RP1: variants seen among roughly 807,000 people sequenced by gnomAD.
RP1 encodes the protein RP1 axonemal microtubule associated, also known as oxygen-regulated protein 1.
In RP1, 16 loss-of-function variants were observed where a neutral mutation model predicts 14.8. That is an observed-to-expected ratio of 1.08 (90% CI 0.73 to 1.65). The LOEUF (loss-of-function observed/expected upper bound fraction) is 1.65, where lower values mean the gene tolerates loss of function less well. Among genes scored for constraint, RP1 ranks in the 40% most tolerant of loss-of-function variants. The probability of loss-of-function intolerance (pLI) is 0.00; values close to 1 mark genes in which losing one functional copy is unlikely to be tolerated. For synonymous variants in RP1, 876 were observed against 883.6 expected (o/e 0.99, Z 0.15); for missense variants, 2,631 against 2,535.0 (o/e 1.04, Z -0.81).
At chr8:54,744,597 AT>A (rs960647044) in intron 19 of RP1, among the ~76,000 whole-genome samples, 1 of 152,188 alleles carries the variant, frequency 6.6e-6, no homozygotes, top group African/African-American at 2.4e-5. Flanking sequence ...CAAATATTTT[AT>A]TACCATCTCT....
At chr8:54,635,422 T>G (rs2129320533), downstream of RP1, among the ~76,000 whole-genome samples, 1 of 152,284 alleles carries the variant, frequency 6.6e-6, no homozygotes, top group South Asian at 2.1e-4. Flanking sequence ...TAAGATAGGA[T>G]GGTAGGTTCA....
intron 3 of RP1, among the ~76,000 whole-genome samples, chr8:54,644,337 C>T (rs1806504607): frequency 6.6e-6 from 1 of 152,210 alleles, no homozygotes; most frequent in Non-Finnish European, 1.5e-5. Flanking sequence ...CCTACCCACT[C>T]AGCCCCCAAG....
chr8:54,578,466 C>T (rs1484014961), intron 1 of RP1, among the ~76,000 whole-genome samples: 2 of 152,066 alleles, frequency 1.3e-5, no homozygotes, highest in Non-Finnish European at 2.9e-5. Flanking sequence ...CCTCAGCCTC[C>T]CAAAGTGCTA....
At chr8:54,695,059 G>C (rs182498553) in intron 12 of RP1, among the ~76,000 whole-genome samples, 6 of 152,034 alleles carry the variant, frequency 3.9e-5, no homozygotes, top group Admixed American at 3.3e-4. Context: ...GTTTATTTCT[G>C]CCTTCATTTC....
intron 27 of RP1, among the ~76,000 whole-genome samples, chr8:54,863,418 C>T (rs145765488): frequency 4.7e-4 from 71 of 152,272 alleles, no homozygotes; most frequent in African/African-American, 1.4e-3. Context: ...CACCTAATGA[C>T]GCCTTTCTCA....
rs779908863 is a variant in RP1 at position 54,626,117 on chromosome 8, C to T, written c.2235C>T (p.Ser745=). ...DTVIESNTFC[S]KSNLNSTISK... The stretch of plus-strand genomic sequence containing the variant: ...TAATTGAATCAAATACTTTTTGTTC[C>T]AAAAGTAATCTCAATTCCACGATTT... Residue 745 remains serine, a synonymous_variant, in exon 4 of 4, where the codon TCC becomes TCT. Transcript: ENST00000220676. The T allele has an allele frequency of 1.2e-6, 2 of 1,612,682 alleles. No homozygotes were observed. The highest frequency in any genetic ancestry group is 4.5e-5 in the East Asian group (2 of 44,808).
In RP1 at chr8:54,573,579, A is replaced by G. The variant is rs540765765; in HGVS notation, c.-13+14259A>G. ...TAAGAATTCTTAGATTTAAATTTAA[A>G]TAGTAAATTATTTTAGAATTTTCCG... On this transcript the variant is annotated intron_variant, in intron 1 of 22. Coordinates refer to the RP1 transcript ENST00000636932. 6.6e-4 allele frequency among the ~76,000 whole-genome samples: 100 copies of G among 152,328 alleles called. 1 individual carries two copies. In the Middle Eastern group the frequency reaches 0.037, roughly 57 times the overall value.
At chr8:54,769,527 A>G (rs1322856796) in intron 22 of RP1, among the ~76,000 whole-genome samples, 1 of 152,184 alleles carries the variant, frequency 6.6e-6, no homozygotes, top group Non-Finnish European at 1.5e-5. Flanking sequence ...TTCGTTCTTC[A>G]AGCCACAGGT....
At chr8:54,759,175 T>TGC (rs1438654100) in intron 22 of RP1, 5 of 1,214,340 alleles carry the variant, frequency 4.1e-6, no homozygotes, top group Non-Finnish European at 5.5e-6. Flanking sequence ...TGTGTGTGTG[T>TGC]ATCTTTTAGG....
chr8:54,773,258 C>CTTGA (rs1469565483), downstream of RP1, among the ~76,000 whole-genome samples: 2 of 152,078 alleles, frequency 1.3e-5, no homozygotes, highest in African/African-American at 2.4e-5. Context: ...TTCTTACTTC[C>CTTGA]TTGAGATTAG....
upstream of RP1, among the ~76,000 whole-genome samples, chr8:54,615,675 A>C (rs193056076): frequency 4.6e-5 from 7 of 152,368 alleles, no homozygotes; most frequent in East Asian, 1.3e-3. Context: ...GGTAATAAGC[A>C]AGAGTGCCTA....
At chr8:54,808,476 G>C (rs1810911511) in intron 24 of RP1, among the ~76,000 whole-genome samples, 1 of 152,164 alleles carries the variant, frequency 6.6e-6, no homozygotes, top group Non-Finnish European at 1.5e-5. Flanking sequence ...ATTTAATACT[G>C]AGGTTGCTAG....
intron 3 of RP1, among the ~76,000 whole-genome samples, chr8:54,636,683 A>C (rs944129452): frequency 1.3e-5 from 2 of 152,204 alleles, no homozygotes; most frequent in African/African-American, 4.8e-5. Flanking sequence ...GGTAGCAGTG[A>C]GCTGAGATTA....
intron 1 of RP1, among the ~76,000 whole-genome samples, chr8:54,584,862 C>T (rs1804881766): frequency 6.6e-6 from 1 of 152,156 alleles, no homozygotes; most frequent in African/African-American, 2.4e-5. Context: ...GGTAGATCTT[C>T]CTCCATCCCT....
At chr8:54,603,396 T>C (rs1237054729) in intron 1 of RP1, among the ~76,000 whole-genome samples, 1 of 152,216 alleles carries the variant, frequency 6.6e-6, no homozygotes, top group Non-Finnish European at 1.5e-5. Flanking sequence ...CGTTGGTCTA[T>C]ATCTCTGTTT....
In RP1 at chr8:54,624,663, T is replaced by A; in HGVS notation, c.788-7T>A. The stretch of plus-strand genomic sequence containing the variant: ...GTGGGCACCTTTTACTCTTAAAATC[T>A]TTAAAGTAAGCACACATATGTCTTC... On this transcript the variant is annotated splice_polypyrimidine_tract_variant and splice_region_variant and intron_variant, in intron 3 of 3. Transcript: ENST00000220676. The A allele has an allele frequency of 6.2e-7, 1 of 1,613,688 alleles. No homozygotes were observed. Among genetic ancestry groups the A allele is most frequent in the Non-Finnish European group, 8.5e-7 (1 of 1,179,866 alleles).
intron 12 of RP1, among the ~76,000 whole-genome samples, chr8:54,690,948 G>A (rs1807696101): frequency 6.6e-6 from 1 of 151,990 alleles, no homozygotes. Context: ...ACCCAAAGCT[G>A]TCAACTGCAT....
intron 24 of RP1, among the ~76,000 whole-genome samples, chr8:54,804,820 C>A (rs1810807859): frequency 6.6e-6 from 1 of 152,134 alleles, no homozygotes; most frequent in South Asian, 2.1e-4. Flanking sequence ...CAGGACAGAT[C>A]AAGTGTTCCA....
chr8:54,754,751 C>A (rs749960978), intron 19 of RP1: 33 of 1,453,510 alleles, frequency 2.3e-5, no homozygotes, highest in Non-Finnish European at 3.0e-5. Context: ...ATTCCAAGTT[C>A]TTTGAGAAAT....
Sources: allele counts gnomAD v4.1 joint callset (sites outside exome capture counted in the v4.1 genomes callset), GRCh38; gene constraint gnomAD v4.1.1; transcripts MANE v1.5; gene names NCBI Gene and HGNC (gene_info 2026-07-23, HGNC 2026-07-21).